Variants in ENTPD4 observed in about 807,000 individuals in gnomAD.
ENTPD4 encodes the protein ectonucleoside triphosphate diphosphohydrolase 4.
In ENTPD4, 60 loss-of-function variants were observed where a neutral mutation model predicts 79.1. The observed-to-expected ratio is 0.76, with a 90% CI of 0.62 to 0.94. The LOEUF is 0.94. Ranked by LOEUF, ENTPD4 falls within the 40% of genes least tolerant of loss-of-function variation. The probability of loss-of-function intolerance (pLI) is 0.00; values close to 1 mark genes in which losing one functional copy is unlikely to be tolerated. For synonymous variants in ENTPD4, 276 were observed against 292.0 expected (o/e 0.95, Z 0.56); for missense variants, 772 against 775.1 (o/e 1.00, Z 0.05).
intron 4 of ENTPD4, among the ~76,000 whole-genome samples, chr8:23,446,136 T>C (rs1437296043): frequency 1.3e-5 from 2 of 152,168 alleles, no homozygotes; most frequent in East Asian, 3.9e-4. Context: ...CAGGACAGAG[T>C]AGTGCAATAA....
At position 23,430,203 on chromosome 8, in the gene ENTPD4, G is replaced by A. The variant is rs372900144; in HGVS notation, c.*2723C>T. ...CTTCACCTACGCGAGACCTTCTCTG[G>A]AATGTGATTTGCTGCGACTGCAGAC... On this transcript the variant is annotated 3_prime_UTR_variant, in exon 13 of 13. Transcript: ENST00000358689. 7.1e-6 allele frequency: 7 copies of A among 985,430 alleles called. No homozygotes were observed. The highest frequency in any genetic ancestry group is 8.4e-6 in the Non-Finnish European group (7 of 829,946). 61.0% of individuals were successfully genotyped at this position (985,430 alleles called of 1,614,324 possible).
rs937518206 is a variant in ENTPD4, at chr8:23,450,081, C to A, written c.-97-84G>T. ...TCTTTAAGTGTGTGCTTAAATCCAA[C>A]CACATATAATCTATACATGATCCTT... On this transcript the variant is annotated intron_variant, in intron 1 of 12. Coordinates refer to ENST00000358689, the MANE Select transcript of ENTPD4 (RefSeq NM_004901.5). 8 of 695,176 alleles carry A rather than the reference C, an allele frequency of 1.2e-5. No homozygotes were observed. The Admixed American group carries it at 1.8e-4, about 16-fold the overall frequency. 43.1% of individuals were successfully genotyped at this position (695,176 alleles called of 1,614,324 possible).
At chr8:23,440,042 C>G in intron 8 of ENTPD4, 127 bp from the exon 9 acceptor site, 1 of 686,426 alleles carries the variant, frequency 1.5e-6, no homozygotes, top group Non-Finnish European at 2.4e-6. Context: ...CCCAAGGACC[C>G]TTCTAAGCAT....
chr8:23,447,473 A>G (rs867958833), intron 4 of ENTPD4, among the ~76,000 whole-genome samples: 1 of 152,198 alleles, frequency 6.6e-6, no homozygotes, highest in African/African-American at 2.4e-5. Context: ...ACAAAAAGAC[A>G]TGTCTGTTTG....
rs572899371 is a variant in ENTPD4 at position 23,448,806 on chromosome 8, A to G, written c.142T>C (p.Tyr48His). ...TTTCGGATTATGACAACAGAAAAAT[A>G]TAAAAGTGAAACAGCAGCAGCCAGG... ...SVLAAAVSLL[Y>H]FSVVIIRNKY... Residue 48 changes from tyrosine (Y) to histidine (H), a missense_variant, in exon 3 of 13, where the codon TAT becomes CAT. By Grantham distance (83) the Tyr-to-His change is moderately conservative. Transcript: ENST00000358689. 5 of 1,614,190 alleles carry G rather than the reference A, an allele frequency of 3.1e-6. No individual in the cohort carries two copies. The African/African-American group carries it at 4.0e-5, about 13-fold the overall frequency.
intron 9 of ENTPD4, 28 bp from the exon 10 acceptor site, chr8:23,437,286 G>A (rs1032951453): frequency 6.6e-7 from 1 of 1,515,594 alleles, no homozygotes; most frequent in Non-Finnish European, 8.9e-7. Context: ...ACTTCATCGT[G>A]AGTCCTACAG....
rs1006756497 is a variant in ENTPD4 at position 23,432,467 on chromosome 8, C to T, written c.*459G>A. On this transcript the variant is annotated 3_prime_UTR_variant, in exon 13 of 13. Transcript: ENST00000358689. ...TAATGCTGTACTCAAAATGGCTAAA[C>T]GCAATACTTCTAGACAGCAGGGCTT... The T allele has an allele frequency of 1.5e-5, 15 of 986,972 alleles. No homozygotes were observed. The highest frequency in any genetic ancestry group is 9.4e-5 in the South Asian group (2 of 21,378). 61.1% of individuals were successfully genotyped at this position (986,972 alleles called of 1,614,324 possible).
In ENTPD4 at chr8:23,437,111, G is replaced by C. The variant is rs147868072; in HGVS notation, c.1197C>G (p.Ile399Met). 7 of 1,614,100 alleles carry C rather than the reference G, an allele frequency of 4.3e-6. No homozygotes were observed. Among genetic ancestry groups the C allele is most frequent in the African/African-American group, 2.7e-5 (2 of 74,940 alleles). ...CGTTTGTTTTATTCATGAAAGGCTG[G>C]ATAGTCTCTCGACACAGGTCAAAGT... Reference protein sequence around the residue: ...TGDFDLCRETIQPFMNKTNET... With the variant: ...TGDFDLCRETMQPFMNKTNET... The change falls in exon 10 of 13, where the codon ATC (isoleucine) becomes ATG (methionine). Residue 399 changes from isoleucine (I) to methionine (M), a missense_variant. Transcript: ENST00000358689.
intron 6 of ENTPD4, among the ~76,000 whole-genome samples, chr8:23,442,680 T>A (rs1362278348): frequency 3.8e-5 from 5 of 130,100 alleles, no homozygotes; most frequent in Non-Finnish European, 6.6e-5. Flanking sequence ...AGACTCCATC[T>A]CAAAAAAAAA....
chr8:23,451,245 C>A (rs947103576), intron 1 of ENTPD4, among the ~76,000 whole-genome samples: 2 of 152,160 alleles, frequency 1.3e-5, no homozygotes, highest in African/African-American at 4.8e-5. Context: ...TGGTCTCGAG[C>A]CCCTGACCCG....
chr8:23,441,769 A>C, intron 7 of ENTPD4, 46 bp from the exon 8 acceptor site: 1 of 1,595,232 alleles, frequency 6.3e-7, no homozygotes. Flanking sequence ...TAATCCAGAG[A>C]ACTGGGCTCT....
chr8:23,441,121 G>C (rs576268625), intron 8 of ENTPD4, among the ~76,000 whole-genome samples: 1 of 152,172 alleles, frequency 6.6e-6, no homozygotes, highest in African/African-American at 2.4e-5. Context: ...AGAACAGTTC[G>C]AGTAAACCAC....
In ENTPD4 at chr8:23,433,024, G is replaced by GC. The variant is rs1563221004; in HGVS notation, c.1752dup (p.Leu585AlafsTer98). On this transcript the variant is annotated frameshift_variant, in exon 13 of 13. Coordinates refer to ENST00000358689, the MANE Select transcript of ENTPD4 (RefSeq NM_004901.5). LOFTEE classifies it high-confidence loss of function. ...GGAGTGCGCCTGTGGATGCGCCGCA[G>GC]CCGCAGCAGGTACAGCAGGATGGCC... The GC allele has an allele frequency of 1.2e-6, 2 of 1,614,118 alleles. No homozygotes were observed. Among genetic ancestry groups the GC allele is most frequent in the East Asian group, 4.5e-5 (2 of 44,870 alleles).
chr8:23,433,629 G>A (rs532382103), intron 12 of ENTPD4, among the ~76,000 whole-genome samples: 1 of 152,118 alleles, frequency 6.6e-6, no homozygotes, highest in Non-Finnish European at 1.5e-5. Context: ...ACGTGAATGG[G>A]GAAAAACGCA....
intron 7 of ENTPD4, 104 bp from the exon 8 acceptor site, chr8:23,441,827 C>G (rs566239157): frequency 2.1e-5 from 28 of 1,349,948 alleles, no homozygotes; most frequent in Non-Finnish European, 2.8e-5. Flanking sequence ...CATATTCAGG[C>G]AAACCCAGTC....
chr8:23,441,017 C>T (rs1021084928), intron 8 of ENTPD4, among the ~76,000 whole-genome samples: 3 of 152,152 alleles, frequency 2.0e-5, no homozygotes, highest in Non-Finnish European at 2.9e-5. Context: ...GTAATAAAGA[C>T]GTGTAGCAAT....
At position 23,430,442 on chromosome 8, in the gene ENTPD4, CTGATT is replaced by C; in HGVS notation, c.*2479_*2483del. The stretch of plus-strand genomic sequence containing the variant: ...GTGCCCACAAATGGAAACTACATTC[CTGATT>C]TAAGAGGATGCTTCTGTCTGTATCC... On this transcript the variant is annotated 3_prime_UTR_variant, in exon 13 of 13. Coordinates refer to ENST00000358689, the MANE Select transcript of ENTPD4 (RefSeq NM_004901.5). The C allele has an allele frequency of 1.0e-6, 1 of 985,430 alleles. No individual in the cohort carries two copies. The highest frequency in any genetic ancestry group is 1.2e-6 in the Non-Finnish European group (1 of 829,926). 61.0% of individuals were successfully genotyped at this position (985,430 alleles called of 1,614,324 possible).
chr8:23,439,187 A>C (rs577351710), intron 9 of ENTPD4, among the ~76,000 whole-genome samples: 1 of 152,312 alleles, frequency 6.6e-6, no homozygotes, highest in East Asian at 1.9e-4. Context: ...ACAATTCTTC[A>C]TACACTCATT....
chr8:23,436,551 C>T (rs1441229968), intron 10 of ENTPD4, among the ~76,000 whole-genome samples: 2 of 152,090 alleles, frequency 1.3e-5, no homozygotes, highest in Non-Finnish European at 2.9e-5. Context: ...GGAAGTCTGG[C>T]ATCACCTAAG....
Sources: gnomAD v4.1 joint callset for allele counts (sites outside exome capture counted in the v4.1 genomes callset) on GRCh38, gnomAD v4.1.1 for gene constraint, MANE v1.5 for transcripts, NCBI Gene and HGNC (gene_info 2026-07-23, HGNC 2026-07-21) for gene names.